Variants in NKAIN3 observed in about 807,000 individuals in gnomAD.
NKAIN3 encodes sodium/potassium-transporting ATPase subunit beta-1-interacting protein 3.
Under a neutral mutation model 30.2 loss-of-function variants are expected in NKAIN3, and 25 were observed. The observed-to-expected ratio is 0.83, with a 90% CI of 0.60 to 1.16. NKAIN3 has a LOEUF of 1.16. Ranked by LOEUF, NKAIN3 falls within the 50% of genes most tolerant of loss-of-function variation. NKAIN3 has a pLI of 0.00. For missense variants in NKAIN3, 225 were observed against 254.1 expected, an observed-to-expected ratio of 0.89 and a Z score of 0.78; for synonymous variants, 91 against 89.6, an observed-to-expected ratio of 1.02 and a Z score of -0.09.
chr8:62,362,628 A>G (rs1259644459), intron 1 of NKAIN3, among the ~76,000 whole-genome samples: 2 of 152,236 alleles, frequency 1.3e-5, no homozygotes, highest in Non-Finnish European at 2.9e-5. Flanking sequence ...GTGATACCAC[A>G]AGGATAAAGG....
At chr8:62,712,678 G>A (rs898213504) in intron 3 of NKAIN3, among the ~76,000 whole-genome samples, 2 of 152,172 alleles carry the variant, frequency 1.3e-5, no homozygotes, top group African/African-American at 4.8e-5. Flanking sequence ...TGAAAGAAAA[G>A]GGCTTGGTTC....
At chr8:62,249,600 T>C (rs1009613024) in intron 1 of NKAIN3, among the ~76,000 whole-genome samples, 9 of 152,214 alleles carry the variant, frequency 5.9e-5, no homozygotes, top group Admixed American at 5.9e-4. Context: ...GCCTCAACTC[T>C]GTTAGTGAAG....
chr8:62,944,751 A>G (rs530083795), intron 5 of NKAIN3, among the ~76,000 whole-genome samples: 1 of 152,312 alleles, frequency 6.6e-6, no homozygotes, highest in Non-Finnish European at 1.5e-5. Context: ...TTCAATATAA[A>G]TCTTGATGAG....
At chr8:62,795,598 C>A (rs1817834716) in intron 4 of NKAIN3, among the ~76,000 whole-genome samples, 1 of 150,962 alleles carries the variant, frequency 6.6e-6, no homozygotes, top group South Asian at 2.1e-4. Flanking sequence ...TGTCTTTTGT[C>A]TTTTTTTTTA....
intron 1 of NKAIN3, among the ~76,000 whole-genome samples, chr8:62,407,546 G>T (rs555006047): frequency 6.6e-6 from 1 of 151,820 alleles, no homozygotes; most frequent in East Asian, 1.9e-4. Context: ...TACAAGGCAC[G>T]CACCACCACA....
chr8:62,952,095 C>G (rs1823297800), intron 5 of NKAIN3, among the ~76,000 whole-genome samples: 1 of 152,072 alleles, frequency 6.6e-6, no homozygotes, highest in African/African-American at 2.4e-5. Flanking sequence ...CCACCATGCC[C>G]AGCAAGCATA....
At chr8:62,878,496 C>T (rs1820867423) in intron 4 of NKAIN3, among the ~76,000 whole-genome samples, 3 of 151,850 alleles carry the variant, frequency 2.0e-5, no homozygotes, top group Admixed American at 2.0e-4. Context: ...TTGTTGTGTT[C>T]TGTTGTTGTG....
At chr8:62,418,515 G>A (rs1170569357) in intron 1 of NKAIN3, among the ~76,000 whole-genome samples, 1 of 152,066 alleles carries the variant, frequency 6.6e-6, no homozygotes, top group African/African-American at 2.4e-5. Context: ...GCTGGTCCTG[G>A]GGCTGCAATT....
rs138972395 is a variant in NKAIN3 at position 62,876,969 on chromosome 8, T to C, written c.472-41484T>C. On this transcript the variant is annotated intron_variant, in intron 4 of 6. Coordinates refer to ENST00000623646, the MANE Select transcript of NKAIN3 (RefSeq NM_001304533.3). ...AAAGAAAAAATTTTCAATAAAAGTT[T>C]GGGGTTTTTAACTCTCAAAAAAAAA... Among the ~76,000 whole-genome samples the C allele has an allele frequency of 2.3e-3, 345 of 151,002 alleles. 2 individuals are homozygous for C. Among genetic ancestry groups the C allele is most frequent in the East Asian group, 0.018 (95 of 5,162 alleles).
rs957402746 is a variant in NKAIN3 at position 62,984,169 on chromosome 8, G to A, written c.*18762G>A. The A allele has an allele frequency of 1.3e-5, 2 of 152,176 alleles. No homozygotes were observed. The highest frequency in any genetic ancestry group is 4.8e-5 in the African/African-American group (2 of 41,442). The allele number at this position is 152,176 out of a possible 1,614,324, so 9.4% of individuals were successfully genotyped here. A position where few individuals can be genotyped will look rare whatever the true frequency, so the allele number is the denominator to read the frequency against. On this transcript the variant is annotated 3_prime_UTR_variant, in exon 7 of 7. Transcript: ENST00000623646. ...GTTTAAGTGGTGAGAATGACTCTAA[G>A]CCTCTTTTTGTTGCTGTGACTGACA...
chr8:62,299,178 T>C (rs1813950483), intron 1 of NKAIN3, among the ~76,000 whole-genome samples: 1 of 152,154 alleles, frequency 6.6e-6, no homozygotes, highest in Admixed American at 6.6e-5. Context: ...AAAAAATTTG[T>C]TGTTCTATCA....
intron 3 of NKAIN3, among the ~76,000 whole-genome samples, chr8:62,642,116 T>G (rs754222765): frequency 2.6e-5 from 4 of 152,072 alleles, no homozygotes; most frequent in Non-Finnish European, 1.5e-5. Context: ...TATTTAAAGT[T>G]TAGAAGTTGA....
At chr8:62,741,070 T>C (rs1815851917) in intron 3 of NKAIN3, among the ~76,000 whole-genome samples, 1 of 151,940 alleles carries the variant, frequency 6.6e-6, no homozygotes, top group Admixed American at 6.6e-5. Flanking sequence ...AGTTTCTTTA[T>C]GTCCTTGTAA....
intron 3 of NKAIN3, among the ~76,000 whole-genome samples, chr8:62,694,735 G>C (rs920518958): frequency 4.6e-5 from 7 of 152,116 alleles, no homozygotes; most frequent in African/African-American, 7.2e-5. Flanking sequence ...CAGCAAATGA[G>C]TAGAACACTT....
chr8:62,456,852 C>A (rs529204712), intron 1 of NKAIN3, among the ~76,000 whole-genome samples: 1 of 152,238 alleles, frequency 6.6e-6, no homozygotes, highest in Non-Finnish European at 1.5e-5. Context: ...ACCCAGCCTT[C>A]GTTAGAACGA....
chr8:62,383,544 T>A (rs1436638467), intron 1 of NKAIN3: 7 of 455,448 alleles, frequency 1.5e-5, no homozygotes, highest in South Asian at 1.1e-4. Flanking sequence ...CTTAATGGCA[T>A]CTTGAAACTC....
rs144569689 is a variant in NKAIN3 at position 62,397,774 on chromosome 8, C to T, written c.54+148647C>T. 3.5e-3 allele frequency among the ~76,000 whole-genome samples: 535 copies of T among 152,214 alleles called. 3 individuals carry two copies. Among genetic ancestry groups the T allele is most frequent in the African/African-American group, 0.012 (510 of 41,532 alleles). On this transcript the variant is annotated intron_variant, in intron 1 of 6. Coordinates refer to ENST00000623646, the MANE Select transcript of NKAIN3 (RefSeq NM_001304533.3). ...CGGCATCTGCCAGAAACCTGTGGATCAGCTGTCTTGTGCTACTGTGGCAAA... is the reference window on the plus strand; with the variant it reads ...CGGCATCTGCCAGAAACCTGTGGATTAGCTGTCTTGTGCTACTGTGGCAAA...
At chr8:62,682,861 C>T (rs1813685315) in intron 3 of NKAIN3, among the ~76,000 whole-genome samples, 1 of 152,090 alleles carries the variant, frequency 6.6e-6, no homozygotes, top group African/African-American at 2.4e-5. Flanking sequence ...CTCAGACACA[C>T]CTAACTCTGC....
At chr8:62,895,468 C>T (rs1454006113) in intron 4 of NKAIN3, among the ~76,000 whole-genome samples, 1 of 152,184 alleles carries the variant, frequency 6.6e-6, no homozygotes, top group African/African-American at 2.4e-5. Flanking sequence ...TCTACTGAAT[C>T]AGAATTTGTA....
Sources: allele counts gnomAD v4.1 joint callset (sites outside exome capture counted in the v4.1 genomes callset), GRCh38; gene constraint gnomAD v4.1.1; transcripts MANE v1.5; gene names NCBI Gene and HGNC (gene_info 2026-07-23, HGNC 2026-07-21).